Variants in PRH1 observed in about 807,000 individuals in gnomAD.
PRH1 encodes the protein salivary acidic proline-rich phosphoprotein 1/2.
Under a neutral mutation model 7.9 loss-of-function variants are expected in PRH1, and 7 were observed. The ratio of observed to expected loss-of-function variants is 0.89; its 90% CI spans 0.50 to 1.67. The LOEUF is 1.67. PRH1 is among the 40% of genes most tolerant of loss of function. The pLI, the probability that PRH1 is intolerant of heterozygous loss-of-function variation, is 0.00. For synonymous variants in PRH1, 45 were observed against 80.8 expected (o/e 0.56, Z 2.38); for missense variants, 109 against 223.6 (o/e 0.49, Z 3.27).
chr12:10,919,782 G>C (rs1950020929), intron 2 of PRH1, among the ~76,000 whole-genome samples: 1 of 151,288 alleles, frequency 6.6e-6, no homozygotes, highest in Admixed American at 6.6e-5. Context: ...TTGATCTGCT[G>C]ACCTATTACT....
Position 10,884,141 on chromosome 12 carries a change from C to T in PRH1, c.64+13G>A. On this transcript the variant is annotated intron_variant, in intron 1 of 3. Transcript: ENST00000543626. ...CAATCAGAGTCACAATATCTTCCCC[C>T]AATTCATCTTACCTTCATTTAAATC... 6.2e-7 allele frequency: 1 copy of T among 1,614,176 alleles called. No homozygotes were observed. The highest frequency in any genetic ancestry group is 1.3e-5 in the African/African-American group (1 of 75,054).
intron 2 of PRH1, among the ~76,000 whole-genome samples, chr12:10,926,914 T>C (rs1565475901): frequency 6.6e-6 from 1 of 152,164 alleles, no homozygotes; most frequent in Admixed American, 6.5e-5. Context: ...AAGGGAATTG[T>C]GTTGTTGACG....
chr12:11,048,606 T>C, upstream of PRH1: 2 of 602,324 alleles, frequency 3.3e-6, no homozygotes, highest in Admixed American at 2.0e-5. Context: ...TGCTGAGATG[T>C]TGAGATCCTT....
chr12:11,167,143 A>T (rs1947605131), intron 1 of PRH1, among the ~76,000 whole-genome samples: 3 of 152,194 alleles, frequency 2.0e-5, no homozygotes, highest in Admixed American at 2.0e-4. Flanking sequence ...TCTTTGGGAA[A>T]GCCATTATTC....
intron 1 of PRH1, among the ~76,000 whole-genome samples, chr12:11,013,448 C>A (rs1349021185): frequency 6.6e-6 from 1 of 151,918 alleles, no homozygotes; most frequent in East Asian, 1.9e-4. Context: ...CAAAAAATAA[C>A]TCATATTTAA....
At chr12:11,049,152 C>A, upstream of PRH1, 4 of 789,862 alleles carry the variant, frequency 5.1e-6, no homozygotes, top group Non-Finnish European at 5.4e-6. Context: ...GTGTCTTAAC[C>A]CACTCAAGGA....
intron 1 of PRH1, chr12:11,133,226 A>G: frequency 6.5e-7 from 1 of 1,536,168 alleles, no homozygotes; most frequent in South Asian, 1.3e-5. Flanking sequence ...ATATACATAT[A>G]TTACAGAAAA....
intron 1 of PRH1, among the ~76,000 whole-genome samples, chr12:11,021,365 A>T: frequency 1.2e-5 from 1 of 81,174 alleles, no homozygotes; most frequent in East Asian, 5.0e-4. Flanking sequence ...ATAAAGAGAG[A>T]TAATAAATTC....
chr12:11,121,940 T>C (rs1356498827), intron 1 of PRH1, among the ~76,000 whole-genome samples: 2 of 152,206 alleles, frequency 1.3e-5, no homozygotes, highest in African/African-American at 4.8e-5. Flanking sequence ...ATAAAAGCTA[T>C]ATGTTCTTAA....
At chr12:11,152,953 T>A (rs1171553464) in intron 1 of PRH1, among the ~76,000 whole-genome samples, 2 of 151,976 alleles carry the variant, frequency 1.3e-5, no homozygotes, top group East Asian at 3.8e-4. Context: ...TAGGTAGGAG[T>A]TGTCTGGTAT....
chr12:10,995,304 A>G (rs775399394), intron 1 of PRH1, among the ~76,000 whole-genome samples: 37 of 152,278 alleles, frequency 2.4e-4, no homozygotes, highest in Middle Eastern at 3.4e-3. Context: ...CTTTTATGGT[A>G]TTTACATTGT....
At chr12:11,132,338 AT>A (rs1002746029) in intron 1 of PRH1, among the ~76,000 whole-genome samples, 1 of 146,212 alleles carries the variant, frequency 6.8e-6, no homozygotes, top group African/African-American at 2.6e-5. Flanking sequence ...ACATTGACAG[AT>A]TTTTTTTTAG....
chr12:10,983,455 A>G (rs1421319954), intron 1 of PRH1, among the ~76,000 whole-genome samples: 1 of 152,204 alleles, frequency 6.6e-6, no homozygotes, highest in East Asian at 1.9e-4. Context: ...TTTCTTGGTC[A>G]GCACCTTGCT....
chr12:11,062,145 A>G (rs371888146), intron 1 of PRH1: 1 of 1,613,678 alleles, frequency 6.2e-7, no homozygotes, highest in African/African-American at 1.3e-5. Context: ...AGACTGCCAG[A>G]GCAGTGAGAA....
chr12:11,086,332 T>TAA (rs1462128601), intron 1 of PRH1, among the ~76,000 whole-genome samples: 4 of 118,500 alleles, frequency 3.4e-5, no homozygotes, highest in Non-Finnish European at 6.0e-5. Flanking sequence ...CTCGGACACT[T>TAA]AAAAAACGTG....
chr12:11,048,697 GGT>G (rs1183685677), upstream of PRH1: 1 of 180,584 alleles, frequency 5.5e-6, no homozygotes, highest in Non-Finnish European at 1.1e-5. Context: ...CAGAGTGCAG[GGT>G]GTGACGTTTG....
chr12:10,897,364 T>C (rs1476815468), intron 2 of PRH1, among the ~76,000 whole-genome samples: 1 of 151,698 alleles, frequency 6.6e-6, no homozygotes, highest in Non-Finnish European at 1.5e-5. Context: ...CAGCTCCGCC[T>C]TAGATAAGTT....
At position 10,897,254 on chromosome 12, in the gene PRH1, A is replaced by G. The variant is rs902866610; in HGVS notation, c.-58-12979T>C. Among the ~76,000 whole-genome samples the G allele has an allele frequency of 3.9e-5, 6 of 152,240 alleles. No homozygotes were observed. The South Asian group carries it at 8.3e-4, about 21-fold the overall frequency. ...GTACAGAGCCTCAGTATTACTAACCATATTTCAAATGCTCACTAGCCACGT... is the reference window on the plus strand; with the variant it reads ...GTACAGAGCCTCAGTATTACTAACCGTATTTCAAATGCTCACTAGCCACGT... On this transcript the variant is annotated intron_variant, in intron 2 of 3. Transcript: ENST00000539853.
intron 1 of PRH1, among the ~76,000 whole-genome samples, chr12:11,063,400 T>C (rs1943692830): frequency 6.6e-6 from 1 of 152,014 alleles, no homozygotes. Flanking sequence ...ATCACCTGGC[T>C]AGTACACTGT....
Sources: gnomAD v4.1 joint callset for allele counts (sites outside exome capture counted in the v4.1 genomes callset) on GRCh38, gnomAD v4.1.1 for gene constraint, MANE v1.5 for transcripts, NCBI Gene and HGNC (gene_info 2026-07-23, HGNC 2026-07-21) for gene names.